The following WASF3 variants were observed in gnomAD, a reference collection of about 807,000 sequenced individuals.
WASF3 encodes actin-binding protein WASF3.
Under a neutral mutation model 46.6 loss-of-function variants are expected in WASF3, and 11 were observed. The observed-to-expected ratio is 0.24, with a 90% CI of 0.15 to 0.39. The LOEUF is 0.39. Ranked by LOEUF, WASF3 falls within the 10% of genes least tolerant of loss-of-function variation. The probability of loss-of-function intolerance (pLI) is 1.00; values close to 1 mark genes in which losing one functional copy is unlikely to be tolerated. For missense variants in WASF3, 576 were observed against 669.8 expected (o/e 0.86, Z 1.55); for synonymous variants, 242 against 259.7 (o/e 0.93, Z 0.65).
At chr13:26,551,486 G>C in the WASF3 span, among the ~76,000 whole-genome samples, 1 of 152,166 alleles carries the variant, frequency 6.6e-6, no homozygotes, top group Non-Finnish European at 1.5e-5. Flanking sequence ...TCTATGCCTA[G>C]TAAGTGTTAG....
At chr13:26,601,362 G>A (rs955208709) in intron 1 of WASF3, among the ~76,000 whole-genome samples, 2 of 151,436 alleles carry the variant, frequency 1.3e-5, no homozygotes, top group Non-Finnish European at 2.9e-5. Context: ...AGTTTACTTT[G>A]TATGTGGAGT....
At chr13:26,552,647 T>C in the WASF3 span, among the ~76,000 whole-genome samples, 2 of 45,262 alleles carry the variant, frequency 4.4e-5, no homozygotes, top group Non-Finnish European at 4.4e-5. Context: ...CAAATGAGCA[T>C]GTCAAAAATG....
At chr13:26,611,106 G>A (rs373337591) in intron 1 of WASF3, among the ~76,000 whole-genome samples, 2 of 143,632 alleles carry the variant, frequency 1.4e-5, no homozygotes, top group African/African-American at 5.2e-5. Flanking sequence ...TCCTGGGCTC[G>A]TGATCTGCCT....
chr13:26,570,927 G>A (rs1245059179), intron 1 of WASF3, among the ~76,000 whole-genome samples: 1 of 152,178 alleles, frequency 6.6e-6, no homozygotes, highest in African/African-American at 2.4e-5. Flanking sequence ...AGCAGTGTGT[G>A]AGTGCCCGTT....
At chr13:26,578,783 T>C (rs1879878633) in intron 1 of WASF3, among the ~76,000 whole-genome samples, 1 of 152,104 alleles carries the variant, frequency 6.6e-6, no homozygotes, top group Non-Finnish European at 1.5e-5. Flanking sequence ...CTTAGCTTCC[T>C]CATTGTGTCT....
chr13:26,570,683 G>A (rs1017488592), intron 1 of WASF3, among the ~76,000 whole-genome samples: 15 of 152,066 alleles, frequency 9.9e-5, no homozygotes, highest in Admixed American at 9.2e-4. Flanking sequence ...ATGCAGTTTC[G>A]TTACCAGTCT....
At chr13:26,636,384 C>T (rs187477773) in intron 2 of WASF3, among the ~76,000 whole-genome samples, 47 of 152,314 alleles carry the variant, frequency 3.1e-4, no homozygotes, top group African/African-American at 6.5e-4. Context: ...AGTATTTGGG[C>T]GGAAGTGCCC....
At chr13:26,560,391 C>T (rs1319936597) in intron 1 of WASF3, among the ~76,000 whole-genome samples, 4 of 152,070 alleles carry the variant, frequency 2.6e-5, no homozygotes, top group Non-Finnish European at 5.9e-5. Flanking sequence ...TTCTTTTTCC[C>T]GTCTTATTGT....
At chr13:26,642,614 C>G (rs1192018253) in intron 3 of WASF3, among the ~76,000 whole-genome samples, 1 of 152,144 alleles carries the variant, frequency 6.6e-6, no homozygotes, top group African/African-American at 2.4e-5. Context: ...CTCTTACCAA[C>G]TCACAAATTA....
chr13:26,631,515 G>A (rs938374766), intron 2 of WASF3, among the ~76,000 whole-genome samples: 8 of 151,988 alleles, frequency 5.3e-5, no homozygotes, highest in Non-Finnish European at 1.2e-4. Context: ...GCCTCTGTTC[G>A]GTTCCATTGG....
intron 1 of WASF3, among the ~76,000 whole-genome samples, chr13:26,588,327 T>G (rs1264183412): frequency 1.3e-5 from 2 of 152,212 alleles, no homozygotes; most frequent in Non-Finnish European, 2.9e-5. Context: ...GCAGCATAAC[T>G]TAATGTGATG....
the WASF3 span, among the ~76,000 whole-genome samples, chr13:26,548,464 A>G: frequency 2.0e-5 from 3 of 152,116 alleles, no homozygotes; most frequent in Non-Finnish European, 4.4e-5. Context: ...TTATTTGAGA[A>G]CTTTATAACT....
At chr13:26,646,029 G>T (rs901137129) in intron 3 of WASF3, among the ~76,000 whole-genome samples, 5 of 152,192 alleles carry the variant, frequency 3.3e-5, no homozygotes, top group African/African-American at 1.2e-4. Context: ...ATTGGGTTCT[G>T]CTTAGAAGTT....
At chr13:26,547,824 C>A in the WASF3 span, among the ~76,000 whole-genome samples, 1 of 152,176 alleles carries the variant, frequency 6.6e-6, no homozygotes, top group African/African-American at 2.4e-5. Flanking sequence ...TCCCTGGACA[C>A]TTGTCCACAT....
chr13:26,605,832 T>C (rs1422843890), intron 1 of WASF3, among the ~76,000 whole-genome samples: 2 of 152,260 alleles, frequency 1.3e-5, no homozygotes, highest in African/African-American at 4.8e-5. Context: ...TAGTTCACTT[T>C]TTGTTGTGGT....
chr13:26,685,936 A>C lies in WASF3; in HGVS notation c.*91A>C, dbSNP rs749210259. On this transcript the variant is annotated 3_prime_UTR_variant, in exon 10 of 10. Coordinates refer to ENST00000335327, the MANE Select transcript of WASF3 (RefSeq NM_006646.6). ...AATAGTGGTATTCTAATCCCGTAGC[A>C]TAGCACCTTTTGTATAAACAATGTG... 1 of 1,498,930 alleles carries C rather than the reference A, an allele frequency of 6.7e-7. No individual in the cohort carries two copies. Among genetic ancestry groups the C allele is most frequent in the Non-Finnish European group, 9.0e-7 (1 of 1,113,586 alleles). 92.9% of individuals were successfully genotyped at this position (1,498,930 alleles called of 1,614,324 possible).
chr13:26,656,108 A>AGATACCTT lies in WASF3; in HGVS notation c.134-8916_134-8909dup, dbSNP rs147637492. ...TTGTTCCCCAGAAAGGACTCATACA[A>AGATACCTT]GATACCTTGATTGTTTCCAGTAAAT... On this transcript the variant is annotated intron_variant, in intron 3 of 9. Transcript: ENST00000335327. 5.6e-3 allele frequency among the ~76,000 whole-genome samples: 858 copies of AGATACCTT among 152,294 alleles called. 8 individuals carry two copies. The highest frequency in any genetic ancestry group is 0.02 in the African/African-American group (815 of 41,552).
rs1285176794 is a variant in WASF3 at position 26,688,283 on chromosome 13, A to G, written c.*2438A>G. ...TTTCATTTTCAAAAACTATTTACCA[A>G]AACAAATGGAGAAGAAACATCCAAA... On this transcript the variant is annotated 3_prime_UTR_variant, in exon 10 of 10. Coordinates refer to ENST00000335327, the MANE Select transcript of WASF3 (RefSeq NM_006646.6). 3 of 152,264 alleles carry G rather than the reference A, an allele frequency of 2.0e-5. No homozygotes were observed. The East Asian group carries it at 5.8e-4, about 29-fold the overall frequency. The allele number at this position is 152,264 out of a possible 1,614,324, so 9.4% of individuals were successfully genotyped here. A position where few individuals can be genotyped will look rare whatever the true frequency, so the allele number is the denominator to read the frequency against.
intron 1 of WASF3, chr13:26,577,027 C>G: frequency 1.4e-6 from 1 of 717,276 alleles, no homozygotes; most frequent in Non-Finnish European, 2.5e-6. Context: ...TGGAAAGATG[C>G]TAGTCACCAG....
Sources: allele counts gnomAD v4.1 joint callset (sites outside exome capture counted in the v4.1 genomes callset), GRCh38; gene constraint gnomAD v4.1.1; transcripts MANE v1.5; gene names NCBI Gene and HGNC (gene_info 2026-07-23, HGNC 2026-07-21).